Variants in TRPC3 observed in about 807,000 individuals in gnomAD.
TRPC3 encodes short transient receptor potential channel 3.
In TRPC3, 54 loss-of-function variants were observed where a neutral mutation model predicts 90.9. That is an observed-to-expected ratio of 0.59 (90% CI 0.48 to 0.75). The LOEUF (loss-of-function observed/expected upper bound fraction) is 0.75. TRPC3 is among the 30% of genes least tolerant of loss of function. The pLI, the probability that TRPC3 is intolerant of heterozygous loss-of-function variation, is 0.00. For missense variants in TRPC3, 918 were observed against 1,194.5 expected (o/e 0.77, Z 3.41); for synonymous variants, 424 against 450.9 (o/e 0.94, Z 0.75).
intron 2 of TRPC3, chr4:121,930,830 T>TAAAAAA (rs71599162): frequency 1.4e-4 from 28 of 204,258 alleles, no homozygotes; most frequent in Non-Finnish European, 1.9e-4. Context: ...CTCTGAGATC[T>TAAAAAA]AAAAAAAAAA....
At position 121,910,385 on chromosome 4, in the gene TRPC3, T is replaced by G; in HGVS notation, c.1561A>C (p.Met521Leu). 6.2e-7 allele frequency: 1 copy of G among 1,612,980 alleles called. No individual in the cohort carries two copies. The highest frequency in any genetic ancestry group is 8.5e-7 in the Non-Finnish European group (1 of 1,179,236). The stretch of plus-strand genomic sequence containing the variant: ...AGCTCTTTACATTCAGACCACATCA[T>G]TCCTGTCACAACAAATACAGAGGGT... Reference protein sequence around the residue: ...EMLIMVWVLGMMWSECKELWL... With the variant: ...EMLIMVWVLGLMWSECKELWL... Residue 521 changes from methionine to leucine, a missense_variant and splice_region_variant, in exon 6 of 12, where the codon ATG (methionine) becomes CTG (leucine). Physicochemically the swap from Met to Leu is conservative, Grantham distance 15. This residue lies in a region of TRPC3 where 609 missense variants were observed against 725.9 expected (regional missense o/e 0.84). Transcript: ENST00000379645.
chr4:121,888,055 C>CA (rs753846282), intron 10 of TRPC3, among the ~76,000 whole-genome samples: 18 of 151,706 alleles, frequency 1.2e-4, no homozygotes, highest in South Asian at 2.1e-4. Context: ...AGTTCAGTGA[C>CA]ATGATCATAG....
intron 6 of TRPC3, among the ~76,000 whole-genome samples, chr4:121,907,869 A>G (rs1728942967): frequency 6.6e-6 from 1 of 152,146 alleles, no homozygotes; most frequent in South Asian, 2.1e-4. Flanking sequence ...CACAGACTGT[A>G]TCCAGGATGA....
intron 1 of TRPC3, among the ~76,000 whole-genome samples, chr4:121,933,975 C>G (rs1044643928): frequency 6.6e-6 from 1 of 152,128 alleles, no homozygotes; most frequent in African/African-American, 2.4e-5. Flanking sequence ...GGAACTGAAA[C>G]GACAAGGTTT....
intron 11 of TRPC3, among the ~76,000 whole-genome samples, chr4:121,880,852 A>G (rs1283506125): frequency 6.6e-6 from 1 of 152,138 alleles, no homozygotes; most frequent in Non-Finnish European, 1.5e-5. Flanking sequence ...TATGCTTTAA[A>G]GTATAATTTC....
intron 1 of TRPC3, among the ~76,000 whole-genome samples, chr4:121,935,419 G>GGTGTGT (rs34252770): frequency 0.01 from 1,483 of 147,318 alleles, 23 homozygotes; most frequent in African/African-American, 0.036. Context: ...ACATGTGTGG[G>GGTGTGT]GTGTGTGTGT....
intron 11 of TRPC3, among the ~76,000 whole-genome samples, 185 bp downstream of exon 11, chr4:121,882,169 T>C (rs1035911275): frequency 2.6e-5 from 4 of 152,244 alleles, no homozygotes; most frequent in Middle Eastern, 6.8e-3. Flanking sequence ...CTCTGATCAA[T>C]ATTGTAAATA....
At chr4:121,882,555 G>T (rs764268495) in intron 10 of TRPC3, 126 bp from the exon 11 acceptor site, 15 of 680,830 alleles carry the variant, frequency 2.2e-5, no homozygotes, top group Admixed American at 7.6e-5. Flanking sequence ...TTATAACTAT[G>T]TATAGAAAAA....
Position 121,932,951 on chromosome 4 carries a change from T to C in TRPC3, c.307A>G (p.Asn103Asp). 10 of 1,613,744 alleles carry C rather than the reference T, an allele frequency of 6.2e-6. No individual in the cohort carries two copies. The highest frequency in any genetic ancestry group is 6.8e-6 in the Non-Finnish European group (8 of 1,179,878). ...QAVRGPAFMF[N>D]DRGTSLTAEE... is the part of the protein sequence containing the mutation. ...GCGGTGAGGCTGGTGCCGCGGTCAT[T>C]GAACATGAAGGCCGGGCCCCTGACA... is the stretch of plus-strand genomic sequence containing the variant. Residue 103 changes from asparagine to aspartate, a missense_variant, in exon 2 of 12, where the codon AAT becomes GAT. By Grantham distance (23) the Asn-to-Asp change is conservative. Transcript: ENST00000379645. The surrounding 1 kb of genome is among the most constrained non-coding windows in gnomAD (Gnocchi z 7.7).
intron 10 of TRPC3, among the ~76,000 whole-genome samples, chr4:121,885,353 A>G (rs1052265360): frequency 2.0e-5 from 3 of 152,184 alleles, no homozygotes; most frequent in Non-Finnish European, 2.9e-5. Flanking sequence ...CTATCGCAAT[A>G]GTTCCTGAAT....
At chr4:121,917,876 G>T (rs1437671996) in intron 3 of TRPC3, among the ~76,000 whole-genome samples, 1 of 152,170 alleles carries the variant, frequency 6.6e-6, no homozygotes, top group Admixed American at 6.5e-5. Flanking sequence ...GTAGTTTTTA[G>T]ACCAACAGTT....
intron 2 of TRPC3, among the ~76,000 whole-genome samples, 167 bp from the exon 3 acceptor site, chr4:121,925,373 C>T (rs1729668192): frequency 6.6e-6 from 1 of 152,130 alleles, no homozygotes; most frequent in Non-Finnish European, 1.5e-5. Flanking sequence ...TGCACCCACC[C>T]AACCCTTTAG....
At position 121,907,477 on chromosome 4, in the gene TRPC3, T is replaced by C; in HGVS notation, c.1883A>G (p.Tyr628Cys). 1 of 1,613,388 alleles carries C rather than the reference T, an allele frequency of 6.2e-7. No individual in the cohort carries two copies. The highest frequency in any genetic ancestry group is 8.5e-7 in the Non-Finnish European group (1 of 1,179,532). The change falls in exon 7 of 12, where the codon TAC becomes TGC. Residue 628 changes from tyrosine to cysteine, a missense_variant. Around this residue, in one of 4 missense-constraint regions of TRPC3, gnomAD observed 147 missense variants for 263.5 expected, o/e 0.56. Transcript: ENST00000379645. Reference sequence around the variant, plus strand: ...AAAGCTCTCATTTGCAGGGAGGATGTACGCAATCCGAGAGAAGCTGAGCAC... The same window carrying C: ...AAAGCTCTCATTTGCAGGGAGGATGCACGCAATCCGAGAGAAGCTGAGCAC... ...AVVLSFSRIAYILPANESFGP... is the reference protein window; with the variant it reads ...AVVLSFSRIACILPANESFGP...
chr4:121,911,057 T>G (rs1337832595), intron 5 of TRPC3, among the ~76,000 whole-genome samples: 1 of 152,208 alleles, frequency 6.6e-6, no homozygotes, highest in Non-Finnish European at 1.5e-5. Flanking sequence ...CAAATTGTCC[T>G]GACTACATAA....
intron 11 of TRPC3, among the ~76,000 whole-genome samples, chr4:121,881,967 C>A (rs1402889109): frequency 1.3e-5 from 2 of 152,098 alleles, no homozygotes; most frequent in African/African-American, 4.8e-5. Flanking sequence ...TTCCTGAAGA[C>A]ATGAATTCTG....
intron 3 of TRPC3, among the ~76,000 whole-genome samples, chr4:121,924,136 T>C (rs1454062282): frequency 2.0e-5 from 3 of 152,222 alleles, no homozygotes; most frequent in Non-Finnish European, 4.4e-5. Context: ...AGACATGTCA[T>C]TGAAGCTTGG....
chr4:121,942,259 T>G (rs1730343939), intron 1 of TRPC3, among the ~76,000 whole-genome samples: 2 of 152,196 alleles, frequency 1.3e-5, no homozygotes, highest in South Asian at 4.1e-4. Context: ...GAATTCTTCA[T>G]GCATAATTTT....
Position 121,878,125 on chromosome 4 carries a change from A to T in TRPC3, c.*1611T>A, listed in dbSNP as rs1030887548. On this transcript the variant is annotated 3_prime_UTR_variant, in exon 12 of 12. Transcript: ENST00000379645. ...ATTTTATTCAGTTCTGAGACACAAC[A>T]TAAAGTACATAAAGTTTGAAAAATG... 2.0e-5 allele frequency among the ~76,000 whole-genome samples: 3 copies of T among 152,246 alleles called. No individual in the cohort carries two copies. Among genetic ancestry groups the T allele is most frequent in the Non-Finnish European group, 4.4e-5 (3 of 68,046 alleles).
At chr4:121,885,946 T>C (rs1355250589) in intron 10 of TRPC3, among the ~76,000 whole-genome samples, 1 of 152,174 alleles carries the variant, frequency 6.6e-6, no homozygotes, top group Admixed American at 6.5e-5. Context: ...TAAAGACTAT[T>C]GATTTTCTCT....
Sources: gnomAD v4.1 joint callset for allele counts (sites outside exome capture counted in the v4.1 genomes callset) on GRCh38, gnomAD v4.1.1 for gene constraint, gnomAD v4.1.1 regional missense constraint, Gnocchi (gnomAD v3.1) non-coding constraint, MANE v1.5 for transcripts, NCBI Gene and HGNC (gene_info 2026-07-23, HGNC 2026-07-21) for gene names.